Variants in ANXA4 observed in about 807,000 individuals in gnomAD.
ANXA4 encodes the protein 35-beta calcimedin.
A neutral mutation model predicts 49.8 loss-of-function variants in ANXA4; 39 were observed. The observed-to-expected ratio is 0.78, with a 90% CI of 0.61 to 1.02. The LOEUF (loss-of-function observed/expected upper bound fraction) is 1.02, where lower values mean the gene tolerates loss of function less well. Among genes scored for constraint, ANXA4 ranks in the 50% least tolerant of loss-of-function variants. The pLI, the probability that ANXA4 is intolerant of heterozygous loss-of-function variation, is 0.00. For missense variants in ANXA4, 360 were observed against 410.1 expected, an observed-to-expected ratio of 0.88 and a Z score of 1.05; for synonymous variants, 134 against 152.5, an observed-to-expected ratio of 0.88 and a Z score of 0.89.
At chr2:69,649,688 T>C (rs1007965054) in intron 1 of ANXA4, among the ~76,000 whole-genome samples, 103 of 145,332 alleles carry the variant, frequency 7.1e-4, no homozygotes, top group Non-Finnish European at 6.0e-5. Flanking sequence ...CTCAGCTCAC[T>C]GCAGCCTCGA....
chr2:69,672,313 C>A (rs1432903493), intron 2 of ANXA4, among the ~76,000 whole-genome samples: 1 of 150,812 alleles, frequency 6.6e-6, no homozygotes, highest in Non-Finnish European at 1.5e-5. Flanking sequence ...CTCAGTGCAA[C>A]CTCTGCCTCT....
At chr2:69,699,110 A>T (rs1161483486) in intron 2 of ANXA4, among the ~76,000 whole-genome samples, 1 of 152,160 alleles carries the variant, frequency 6.6e-6, no homozygotes, top group African/African-American at 2.4e-5. Context: ...GGTCTTTGCC[A>T]AGCACCAGCA....
At chr2:69,725,434 T>C (rs534005417) in intron 3 of ANXA4, among the ~76,000 whole-genome samples, 156 of 149,948 alleles carry the variant, frequency 1.0e-3, no homozygotes, top group African/African-American at 3.6e-3. Context: ...ATTTATTGTA[T>C]ATTTATTTAA....
chr2:69,718,084 C>T (rs1669697577), intron 2 of ANXA4, among the ~76,000 whole-genome samples: 1 of 152,182 alleles, frequency 6.6e-6, no homozygotes, highest in African/African-American at 2.4e-5. Context: ...GGCTACTTGG[C>T]TTCTAGAGCC....
At chr2:69,815,291 C>T (rs996160117) in intron 8 of ANXA4, 10 of 152,218 alleles carry the variant, frequency 6.6e-5, no homozygotes, top group East Asian at 3.9e-4. Context: ...ATTAGATGAA[C>T]GCTTTCAGCT....
At chr2:69,769,758 G>A (rs1056421801) in intron 1 of ANXA4, among the ~76,000 whole-genome samples, 1 of 152,176 alleles carries the variant, frequency 6.6e-6, no homozygotes, top group Non-Finnish European at 1.5e-5. Context: ...CTGCCTCCAG[G>A]TTCCAGCGAT....
intron 5 of ANXA4, among the ~76,000 whole-genome samples, chr2:69,806,753 A>T (rs1410969489): frequency 2.0e-5 from 3 of 152,222 alleles, no homozygotes; most frequent in Non-Finnish European, 2.9e-5. Flanking sequence ...AGAAAATCAA[A>T]TACCATATGT....
At chr2:69,744,525 C>A (rs1238212355) in intron 1 of ANXA4, among the ~76,000 whole-genome samples, 1 of 152,126 alleles carries the variant, frequency 6.6e-6, no homozygotes, top group Non-Finnish European at 1.5e-5. Context: ...CCAAACCTAG[C>A]CCTTGAGGGT....
In ANXA4 at chr2:69,743,375, G is replaced by T. The variant is rs192366683; in HGVS notation, c.-47+1200G>T. Among the ~76,000 whole-genome samples the T allele has an allele frequency of 4.0e-3, 597 of 148,720 alleles. 6 individuals are homozygous for T. The highest frequency in any genetic ancestry group is 0.013 in the African/African-American group (503 of 38,320). On this transcript the variant is annotated intron_variant, in intron 1 of 12. Transcript: ENST00000394295. ...TGGGACTACAGGCGTGTGCCAACAC[G>T]CCTGGCTAATTTTTGTATTTTTAGT...
intron 1 of ANXA4, among the ~76,000 whole-genome samples, chr2:69,745,518 A>G (rs375181888): frequency 2.0e-5 from 3 of 152,234 alleles, no homozygotes; most frequent in South Asian, 4.2e-4. Flanking sequence ...TTGAGAAACT[A>G]TGCTTTATTT....
chr2:69,780,052 GTTA>G (rs1424219402), intron 1 of ANXA4, among the ~76,000 whole-genome samples: 1 of 152,232 alleles, frequency 6.6e-6, no homozygotes, highest in African/African-American at 2.4e-5. Flanking sequence ...GAAGGACTTA[GTTA>G]TCATCAAAAG....
intron 2 of ANXA4, among the ~76,000 whole-genome samples, chr2:69,702,611 G>A (rs1165240400): frequency 1.3e-5 from 2 of 152,082 alleles, no homozygotes; most frequent in African/African-American, 4.8e-5. Flanking sequence ...CTACTCGGGA[G>A]GCTGAGGAGG....
chr2:69,763,404 AG>A (rs1671373771), intron 1 of ANXA4, among the ~76,000 whole-genome samples: 1 of 152,060 alleles, frequency 6.6e-6, no homozygotes, highest in Non-Finnish European at 1.5e-5. Flanking sequence ...CTGGAAAGAG[AG>A]GGCTTTTTGT....
rs190949311 is a variant in ANXA4 at position 69,766,052 on chromosome 2, A to C, written c.-46-15468A>C. 2.9e-3 allele frequency among the ~76,000 whole-genome samples: 440 copies of C among 152,340 alleles called. 7 individuals are homozygous for C. The highest frequency in any genetic ancestry group is 6.5e-3 in the Admixed American group (99 of 15,300). On this transcript the variant is annotated intron_variant, in intron 1 of 12. Transcript: ENST00000394295. ...TTGGAGAGGGAAGATGCTGCCTTAG[A>C]ATTCATACAACTGGATAATGCTTTT...
At chr2:69,770,683 G>C (rs1294194102) in intron 1 of ANXA4, among the ~76,000 whole-genome samples, 3 of 152,116 alleles carry the variant, frequency 2.0e-5, no homozygotes, top group Non-Finnish European at 2.9e-5. Context: ...CGACAAGAAA[G>C]GGAGGATTCC....
At chr2:69,767,439 C>T (rs542153592) in intron 1 of ANXA4, among the ~76,000 whole-genome samples, 1 of 152,316 alleles carries the variant, frequency 6.6e-6, no homozygotes, top group Admixed American at 6.5e-5. Flanking sequence ...CCAACCTAAA[C>T]ACAGGATGCT....
chr2:69,738,930 T>C (rs1470899520), upstream of ANXA4, among the ~76,000 whole-genome samples: 1 of 152,238 alleles, frequency 6.6e-6, no homozygotes, highest in East Asian at 1.9e-4. Flanking sequence ...TCATGAGATA[T>C]AATGGTCACT....
At chr2:69,682,979 C>T (rs747410764) in intron 2 of ANXA4, among the ~76,000 whole-genome samples, 2 of 152,102 alleles carry the variant, frequency 1.3e-5, no homozygotes, top group Non-Finnish European at 2.9e-5. Context: ...AAAATATCCA[C>T]GTTATTGTTT....
At chr2:69,773,776 C>T (rs1296489423) in intron 1 of ANXA4, among the ~76,000 whole-genome samples, 7 of 151,740 alleles carry the variant, frequency 4.6e-5, no homozygotes, top group Non-Finnish European at 1.0e-4. Context: ...GGATTACAGG[C>T]GTGCACCACC....
Sources: allele counts gnomAD v4.1 joint callset (sites outside exome capture counted in the v4.1 genomes callset), GRCh38; gene constraint gnomAD v4.1.1; transcripts MANE v1.5; gene names NCBI Gene and HGNC (gene_info 2026-07-23, HGNC 2026-07-21).